The following HSD11B1 variants were observed in gnomAD, a reference collection of about 807,000 sequenced individuals.
HSD11B1 encodes 11-beta-hydroxysteroid dehydrogenase 1.
In HSD11B1, 15 loss-of-function variants were observed where a neutral mutation model predicts 22.1. The ratio of observed to expected loss-of-function variants is 0.68; its 90% CI spans 0.45 to 1.04. The LOEUF is 1.04. Among genes scored for constraint, HSD11B1 ranks in the 50% least tolerant of loss-of-function variants. The pLI, the probability that HSD11B1 is intolerant of heterozygous loss-of-function variation, is 0.00. For synonymous variants in HSD11B1, 122 were observed against 125.2 expected (o/e 0.97, Z 0.17); for missense variants, 281 against 357.6 (o/e 0.79, Z 1.73).
intron 4 of HSD11B1, among the ~76,000 whole-genome samples, chr1:209,726,409 C>G (rs749213542): frequency 1.3e-5 from 2 of 151,748 alleles, no homozygotes; most frequent in Admixed American, 6.6e-5. Flanking sequence ...TTTAGGCCAG[C>G]CTGTGCAACA....
intron 4 of HSD11B1, among the ~76,000 whole-genome samples, chr1:209,716,047 C>T (rs1374841459): frequency 6.6e-6 from 1 of 152,154 alleles, no homozygotes; most frequent in Non-Finnish European, 1.5e-5. Flanking sequence ...CCCACTTTCA[C>T]CACTCTTATT....
chr1:209,707,561 GT>G (rs2076868237), intron 4 of HSD11B1, among the ~76,000 whole-genome samples: 1 of 151,920 alleles, frequency 6.6e-6, no homozygotes, highest in Non-Finnish European at 1.5e-5. Context: ...CGCATCCTGA[GT>G]AAAGGAGACA....
upstream of HSD11B1, among the ~76,000 whole-genome samples, chr1:209,704,521 C>T (rs2076844131): frequency 6.6e-6 from 1 of 151,976 alleles, no homozygotes; most frequent in South Asian, 2.1e-4. Context: ...ACTCACATTT[C>T]CCCCCAGAAG....
At chr1:209,732,092 A>G (rs1016217954) in intron 4 of HSD11B1, among the ~76,000 whole-genome samples, 1 of 152,202 alleles carries the variant, frequency 6.6e-6, no homozygotes, top group Non-Finnish European at 1.5e-5. Flanking sequence ...GGCAGAGATA[A>G]CTAGTCAAAC....
intron 1 of HSD11B1, among the ~76,000 whole-genome samples, chr1:209,699,659 AACAGTCCCCCAAAGT>A (rs2076815253): frequency 6.6e-6 from 1 of 152,218 alleles, no homozygotes; most frequent in South Asian, 2.1e-4. Flanking sequence ...ATGCCTTCCC[AACAGTCCCCCAAAGT>A]TTTAACTCAT....
At chr1:209,721,949 C>T (rs1309886223) in intron 4 of HSD11B1, among the ~76,000 whole-genome samples, 1 of 152,082 alleles carries the variant, frequency 6.6e-6, no homozygotes, top group Non-Finnish European at 1.5e-5. Flanking sequence ...CTATTGAGGC[C>T]CCTCTCATAT....
chr1:209,703,437 A>G (rs1032638831), upstream of HSD11B1, among the ~76,000 whole-genome samples: 11 of 152,160 alleles, frequency 7.2e-5, no homozygotes, highest in African/African-American at 2.7e-4. Context: ...AAAGGCATGT[A>G]ATCTAATTTT....
At chr1:209,696,933 GA>G (rs2076794606) in intron 1 of HSD11B1, among the ~76,000 whole-genome samples, 1 of 152,232 alleles carries the variant, frequency 6.6e-6, no homozygotes. Flanking sequence ...TGTGAAGCTG[GA>G]TTGAAGAGCT....
At chr1:209,717,240 G>C (rs2076935807) in intron 4 of HSD11B1, among the ~76,000 whole-genome samples, 1 of 151,992 alleles carries the variant, frequency 6.6e-6, no homozygotes, top group Non-Finnish European at 1.5e-5. Context: ...ATGGGCAAAA[G>C]ACCTGAACAG....
intron 4 of HSD11B1, 76 bp downstream of exon 4, chr1:209,707,204 G>A (rs2102372576): frequency 2.4e-6 from 3 of 1,238,628 alleles, no homozygotes; most frequent in Middle Eastern, 1.9e-4. Context: ...CTCTGAAGTA[G>A]ACATAAATTT....
chr1:209,699,570 T>C (rs1297566719), intron 1 of HSD11B1, among the ~76,000 whole-genome samples: 1 of 152,114 alleles, frequency 6.6e-6, no homozygotes, highest in Non-Finnish European at 1.5e-5. Context: ...AGCTGAGATT[T>C]GGGTAAGGAC....
intron 1 of HSD11B1, among the ~76,000 whole-genome samples, chr1:209,695,560 C>T (rs2076785924): frequency 6.6e-6 from 1 of 152,156 alleles, no homozygotes; most frequent in Admixed American, 6.5e-5. Context: ...CCTGTAATCC[C>T]AGCACTTCAG....
Position 209,706,634 on chromosome 1 carries a change from C to T in HSD11B1, c.220-75C>T, listed in dbSNP as rs1416234651. On this transcript the variant is annotated intron_variant, in intron 2 of 5. Transcript: ENST00000367027. This position sits in a 1 kb window ranked among gnomAD's most constrained non-coding sequence, Gnocchi z 4.0. ...GGCTGTGAGCAATCTCTCATTTAAG[C>T]CCCCCGTTACTTCAGAGACTACCCC... 5.9e-5 allele frequency: 55 copies of T among 928,132 alleles called. 1 individual carries two copies. The Admixed American group carries it at 8.6e-4, about 15-fold the overall frequency. 57.5% of individuals were successfully genotyped at this position (928,132 alleles called of 1,614,324 possible).
intron 4 of HSD11B1, among the ~76,000 whole-genome samples, chr1:209,731,482 A>G (rs2077035657): frequency 6.6e-6 from 1 of 152,218 alleles, no homozygotes; most frequent in South Asian, 2.1e-4. Context: ...AAAATTACCC[A>G]AATTCTGGAA....
In HSD11B1 at chr1:209,734,482, C is replaced by T. The variant is rs749815973; in HGVS notation, c.840C>T (p.Tyr280=). ...GCAGGAAGATCCTGGAATTTCTCTA[C>T]TCAACGAGCTATAATATGGACAGAT... The part of the protein sequence containing the change: ...NPCRKILEFL[Y]STSYNMDRFI... The change falls in exon 6 of 6, where the codon TAC becomes TAT. Residue 280 remains tyrosine (Y), a synonymous_variant. Transcript: ENST00000367027. The T allele has an allele frequency of 6.2e-7, 1 of 1,614,042 alleles. No homozygotes were observed. Among genetic ancestry groups the T allele is most frequent in the Non-Finnish European group, 8.5e-7 (1 of 1,179,934 alleles).
chr1:209,703,579 G>A (rs1372490959), upstream of HSD11B1, among the ~76,000 whole-genome samples: 2 of 152,084 alleles, frequency 1.3e-5, no homozygotes, highest in Admixed American at 6.5e-5. Context: ...TTGACAAATT[G>A]TTTCATCTCC....
At position 209,699,726 on chromosome 1, in the gene HSD11B1, G is replaced by A. The variant is rs533442880; in HGVS notation, c.-48-5169G>A. On this transcript the variant is annotated intron_variant, in intron 1 of 6. Transcript: ENST00000261465. ...AAGTCCACAGTCTAAAAGTCTCATC[G>A]GAGACAAGGCAAGTCCCTTCCGCCT... Among the ~76,000 whole-genome samples the A allele has an allele frequency of 9.9e-5, 15 of 152,234 alleles. No individual in the cohort carries two copies. The South Asian group carries it at 1.4e-3, about 15-fold the overall frequency.
intron 4 of HSD11B1, among the ~76,000 whole-genome samples, chr1:209,710,030 TC>T (rs2076885339): frequency 6.6e-6 from 1 of 151,640 alleles, no homozygotes; most frequent in Non-Finnish European, 1.5e-5. Flanking sequence ...AGTCCTTCCA[TC>T]CGGCAGTGCG....
In HSD11B1 at chr1:209,705,959, G is replaced by A. The variant is rs13306423; in HGVS notation, c.219+18G>A. 583 of 1,613,324 alleles carry A rather than the reference G, an allele frequency of 3.6e-4. 8 individuals carry two copies. In the East Asian group the frequency reaches 8.1e-3, roughly 22 times the overall value. On this transcript the variant is annotated intron_variant, in intron 2 of 5. Coordinates refer to ENST00000367027, the MANE Select transcript of HSD11B1 (RefSeq NM_005525.4). ...TACAGAAGGTGAGGGTTCTATGCTC[G>A]CAGATATGTGTACCGTCACATGCTC...
Sources: gnomAD v4.1 joint callset for allele counts (sites outside exome capture counted in the v4.1 genomes callset) on GRCh38, gnomAD v4.1.1 for gene constraint, Gnocchi (gnomAD v3.1) non-coding constraint, MANE v1.5 for transcripts, NCBI Gene and HGNC (gene_info 2026-07-23, HGNC 2026-07-21) for gene names.